PTPRE: variants seen among roughly 807,000 people sequenced by gnomAD.
The protein encoded by PTPRE is protein tyrosine phosphatase receptor type E, also known as receptor-type tyrosine-protein phosphatase epsilon.
Under a neutral mutation model 102.0 loss-of-function variants are expected in PTPRE, and 51 were observed. The observed-to-expected ratio is 0.50, with a 90% confidence interval of 0.40 to 0.63. PTPRE has a LOEUF of 0.63. PTPRE is among the 30% of genes least tolerant of loss of function. The probability of loss-of-function intolerance (pLI) is 0.00; values close to 1 mark genes in which losing one functional copy is unlikely to be tolerated. For synonymous variants in PTPRE, 345 were observed against 348.2 expected (o/e 0.99, Z 0.10); for missense variants, 752 against 915.1 (o/e 0.82, Z 2.30).
chr10:127,909,098 G>T (rs188815255), intron 1 of PTPRE, among the ~76,000 whole-genome samples: 1 of 152,184 alleles, frequency 6.6e-6, no homozygotes, highest in Admixed American at 6.5e-5. Context: ...AGAGAGATGC[G>T]CTCCCTGTGT....
At chr10:127,925,694 C>T (rs1251142817) in intron 1 of PTPRE, among the ~76,000 whole-genome samples, 1 of 152,144 alleles carries the variant, frequency 6.6e-6, no homozygotes, top group Admixed American at 6.5e-5. Context: ...TCCAAAGCAT[C>T]CCTGGGGCTA....
intron 1 of PTPRE, among the ~76,000 whole-genome samples, chr10:127,980,413 G>T (rs200294223): frequency 1.4e-5 from 2 of 139,970 alleles, no homozygotes; most frequent in South Asian, 4.5e-4. Context: ...GGCTATTTTT[G>T]AATCCTTTGG....
At chr10:127,915,611 T>C (rs1195638059) in intron 1 of PTPRE, among the ~76,000 whole-genome samples, 2 of 152,220 alleles carry the variant, frequency 1.3e-5, no homozygotes, top group East Asian at 3.8e-4. Context: ...CAAAGTAATA[T>C]AAAAATGCAA....
chr10:127,945,075 C>G (rs985615920), intron 1 of PTPRE, among the ~76,000 whole-genome samples: 1 of 152,136 alleles, frequency 6.6e-6, no homozygotes, highest in Non-Finnish European at 1.5e-5. Flanking sequence ...TGTTTATAAG[C>G]CTATCTCCTT....
At chr10:127,957,834 C>T (rs1051166082) in intron 1 of PTPRE, among the ~76,000 whole-genome samples, 8 of 152,326 alleles carry the variant, frequency 5.3e-5, no homozygotes, top group African/African-American at 1.7e-4. Context: ...TCCGTGAACA[C>T]GGAATGTCTC....
In PTPRE at chr10:128,062,945, C is replaced by T. The variant is rs534015152; in HGVS notation, c.626-138C>T. 1.2e-5 allele frequency: 17 copies of T among 1,446,950 alleles called. No individual in the cohort carries two copies. The East Asian group carries it at 1.2e-4, about 11-fold the overall frequency. The allele number at this position is 1,446,950 out of a possible 1,614,324, so 89.6% of individuals were successfully genotyped here. A position where few individuals can be genotyped will look rare whatever the true frequency, so the allele number is the denominator to read the frequency against. The stretch of plus-strand genomic sequence containing the variant: ...CTACCGGTTCCGGAACGCTTCAGGG[C>T]ATGACGTGTGTGTCCCCAACAAGCC... On this transcript the variant is annotated intron_variant, in intron 9 of 20. Coordinates refer to ENST00000254667, the MANE Select transcript of PTPRE (RefSeq NM_006504.6).
chr10:127,918,277 G>A lies in PTPRE; in HGVS notation c.-31+10968G>A, dbSNP rs137947550. Among the ~76,000 whole-genome samples, 21 of 152,156 alleles carry A rather than the reference G, an allele frequency of 1.4e-4. No individual in the cohort carries two copies. In the East Asian group the frequency reaches 2.3e-3, roughly 17 times the overall value. On this transcript the variant is annotated intron_variant, in intron 1 of 20. Transcript: ENST00000254667. ...ACTTCCTTTAAAAAAGGAGAAAATC[G>A]GCCTGGTGCAGTGGCTCACGCCTGT... is the stretch of plus-strand genomic sequence containing the variant.
chr10:128,053,752 ATTTAT>A lies in PTPRE; in HGVS notation c.421-2368_421-2364del, dbSNP rs1444546716. Among the ~76,000 whole-genome samples, 1,192 of 151,778 alleles carry A rather than the reference ATTTAT, an allele frequency of 7.9e-3. 11 individuals carry two copies. The highest frequency in any genetic ancestry group is 0.026 in the African/African-American group (1,082 of 41,312). ...CAGGGAGCCTTCTCAATTTCTTTTA[ATTTAT>A]TTATTTATTTATTTATTTTTTGAGA... On this transcript the variant is annotated intron_variant, in intron 6 of 20. Coordinates refer to ENST00000254667, the MANE Select transcript of PTPRE (RefSeq NM_006504.6).
chr10:127,962,442 C>T (rs569847226), intron 1 of PTPRE, among the ~76,000 whole-genome samples: 1 of 152,356 alleles, frequency 6.6e-6, no homozygotes, highest in African/African-American at 2.4e-5. Context: ...AGGGCCAGTG[C>T]TCTGTGCACC....
intron 2 of PTPRE, among the ~76,000 whole-genome samples, chr10:127,990,426 A>AAAAAAAAG (rs1852523787): frequency 6.6e-6 from 1 of 151,682 alleles, no homozygotes; most frequent in African/African-American, 2.4e-5. Context: ...AAAAAAAAAA[A>AAAAAAAAG]AAAAAAAGAA....
chr10:128,073,716 C>T (rs1272332345), intron 17 of PTPRE, among the ~76,000 whole-genome samples: 1 of 152,158 alleles, frequency 6.6e-6, no homozygotes, highest in Admixed American at 6.5e-5. Flanking sequence ...GTTATTTAAC[C>T]TGCCCTGAAA....
intron 2 of PTPRE, among the ~76,000 whole-genome samples, chr10:128,036,091 G>A (rs980484139): frequency 3.3e-5 from 5 of 151,984 alleles, no homozygotes; most frequent in Admixed American, 6.5e-5. Context: ...GTTGGGAAGT[G>A]GACGGGGATC....
rs1265594009 is a variant in PTPRE, at chr10:128,084,599, T to C, written c.*1693T>C. ...TGCCTGGGCTGCACACTGCTGAACG[T>C]GCTCCTCTCTCCTTCTCTGTACAAT... On this transcript the variant is annotated 3_prime_UTR_variant, in exon 21 of 21. Coordinates refer to ENST00000254667, the MANE Select transcript of PTPRE (RefSeq NM_006504.6). The C allele has an allele frequency of 6.6e-6, 1 of 152,488 alleles. No individual in the cohort carries two copies. Among genetic ancestry groups the C allele is most frequent in the Non-Finnish European group, 1.5e-5 (1 of 68,244 alleles). The allele number at this position is 152,488 out of a possible 1,614,324, so 9.4% of individuals were successfully genotyped here.
At position 128,079,649 on chromosome 10, in the gene PTPRE, C is replaced by A; in HGVS notation, c.1982C>A (p.Ala661Asp). 2 of 1,613,982 alleles carry A rather than the reference C, an allele frequency of 1.2e-6. No homozygotes were observed. Among genetic ancestry groups the A allele is most frequent in the Non-Finnish European group, 1.7e-6 (2 of 1,179,832 alleles). ...KAEGLLDVFQ[A>D]VKSLRLQRPH... ...GAGGGACTTTTAGATGTATTTCAAG[C>A]TGTGAAGAGTTTACGACTTCAGAGA... The change falls in exon 20 of 21, where the codon GCT becomes GAT. Residue 661 changes from alanine to aspartate, a missense_variant. Physicochemically the swap from Ala to Asp is moderately radical, Grantham distance 126 (BLOSUM62 -2). Coordinates refer to ENST00000254667, the MANE Select transcript of PTPRE (RefSeq NM_006504.6).
intron 2 of PTPRE, among the ~76,000 whole-genome samples, chr10:127,996,053 G>A (rs1042417558): frequency 1.3e-5 from 2 of 152,188 alleles, no homozygotes; most frequent in African/African-American, 4.8e-5. Context: ...TGGACATCTT[G>A]TTGCCAGGAA....
chr10:127,938,613 A>T (rs779741573), intron 1 of PTPRE, among the ~76,000 whole-genome samples: 1 of 152,192 alleles, frequency 6.6e-6, no homozygotes, highest in Non-Finnish European at 1.5e-5. Flanking sequence ...TATTTTCTTC[A>T]ATTCAAAACA....
chr10:128,026,583 T>G (rs1005081961), intron 2 of PTPRE, among the ~76,000 whole-genome samples: 6 of 152,210 alleles, frequency 3.9e-5, no homozygotes, highest in Non-Finnish European at 5.9e-5. Context: ...CATCCTTATT[T>G]CTCTGCCTGT....
chr10:128,011,323 G>C (rs958136521), intron 2 of PTPRE, among the ~76,000 whole-genome samples: 1 of 152,222 alleles, frequency 6.6e-6, no homozygotes, highest in Non-Finnish European at 1.5e-5. Context: ...GAATGGAGAG[G>C]AAAAGCTATT....
intron 2 of PTPRE, among the ~76,000 whole-genome samples, chr10:128,027,654 G>A (rs756356748): frequency 2.6e-5 from 4 of 152,216 alleles, no homozygotes; most frequent in Non-Finnish European, 5.9e-5. Flanking sequence ...GGAGCCTTTG[G>A]AAAGGTATCC....
Sources: allele counts gnomAD v4.1 joint callset (sites outside exome capture counted in the v4.1 genomes callset), GRCh38; gene constraint gnomAD v4.1.1; transcripts MANE v1.5; gene names NCBI Gene and HGNC (gene_info 2026-07-23, HGNC 2026-07-21).